GAS7: variants seen among roughly 807,000 people sequenced by gnomAD.
The protein encoded by GAS7 is growth arrest-specific protein 7.
In GAS7, 28 loss-of-function variants were observed where a neutral mutation model predicts 71.1. The ratio of observed to expected loss-of-function variants is 0.39; its 90% CI spans 0.29 to 0.54. The LOEUF (loss-of-function observed/expected upper bound fraction) is 0.54, where lower values mean the gene tolerates loss of function less well. GAS7 is among the 20% of genes least tolerant of loss of function. GAS7 has a pLI of 0.62. For synonymous variants in GAS7, 258 were observed against 245.8 expected (o/e 1.05, Z -0.46); for missense variants, 436 against 627.8 (o/e 0.69, Z 3.27).
intron 1 of GAS7, among the ~76,000 whole-genome samples, chr17:10,184,947 C>T (rs534427665): frequency 4.3e-5 from 6 of 139,438 alleles, no homozygotes; most frequent in South Asian, 2.3e-4. Flanking sequence ...TTTTTTGAGA[C>T]GGAGTGTTGC....
intron 1 of GAS7, among the ~76,000 whole-genome samples, chr17:10,063,218 G>C (rs1004402236): frequency 6.6e-6 from 1 of 152,206 alleles, no homozygotes; most frequent in Admixed American, 6.5e-5. Context: ...TCCTGCTCCT[G>C]CCTACCTCCA....
chr17:10,086,517 GC>G (rs1597783724), intron 1 of GAS7, among the ~76,000 whole-genome samples: 1 of 152,154 alleles, frequency 6.6e-6, no homozygotes, highest in Admixed American at 6.5e-5. Context: ...TCCTCAATCG[GC>G]AGAAAGAATG....
intron 2 of GAS7, among the ~76,000 whole-genome samples, chr17:9,988,491 T>C (rs1248634057): frequency 5.3e-5 from 8 of 152,198 alleles, no homozygotes; most frequent in Non-Finnish European, 2.9e-5. Flanking sequence ...GGTTCCCTCC[T>C]GCGCACCAGA....
intron 1 of GAS7, among the ~76,000 whole-genome samples, chr17:10,148,368 T>C (rs1390404860): frequency 1.3e-5 from 2 of 151,768 alleles, no homozygotes; most frequent in African/African-American, 2.4e-5. Flanking sequence ...CCCAGCACTT[T>C]GGGAGGTCAT....
chr17:10,026,364 T>G lies in GAS7; in HGVS notation c.184-6467A>C. On this transcript the variant is annotated intron_variant, in intron 1 of 13. Coordinates refer to ENST00000432992, the MANE Select transcript of GAS7 (RefSeq NM_201433.2). The surrounding 1 kb of genome is among the most constrained non-coding windows in gnomAD (Gnocchi z 4.5). ...CACCCAGATCTATATATAACAGCTC[T>G]GAAGTTGTCAGCCTAACGAGCCACT... The G allele has an allele frequency of 1.8e-5, 16 of 883,092 alleles. No individual in the cohort carries two copies. Among genetic ancestry groups the G allele is most frequent in the South Asian group, 5.2e-5 (1 of 19,220 alleles). The allele number at this position is 883,092 out of a possible 1,614,324, so 54.7% of individuals were successfully genotyped here.
At chr17:10,191,991 G>C (rs1398363277) in intron 1 of GAS7, among the ~76,000 whole-genome samples, 1 of 152,082 alleles carries the variant, frequency 6.6e-6, no homozygotes, top group East Asian at 1.9e-4. Flanking sequence ...GTAGTAGACG[G>C]AGAACTAGGA....
chr17:10,116,249 G>T (rs1461730926), intron 1 of GAS7, among the ~76,000 whole-genome samples: 3 of 151,962 alleles, frequency 2.0e-5, no homozygotes, highest in African/African-American at 7.3e-5. Flanking sequence ...AGGAGGCGGA[G>T]GTTGCAGTGA....
chr17:9,971,796 G>T (rs1332146859), intron 3 of GAS7, among the ~76,000 whole-genome samples: 1 of 152,190 alleles, frequency 6.6e-6, no homozygotes, highest in African/African-American at 2.4e-5. Flanking sequence ...AAACTCTATA[G>T]CGTGGCAGGA....
intron 1 of GAS7, among the ~76,000 whole-genome samples, chr17:10,159,087 T>TATATAC (rs2074230346): frequency 3.3e-5 from 4 of 121,078 alleles, no homozygotes; most frequent in Non-Finnish European, 6.8e-5. Context: ...TATATATATA[T>TATATAC]ATATATATAT....
Position 9,926,847 on chromosome 17 carries a change from G to GT in GAS7, c.886-79_886-78insA. The GT allele has an allele frequency of 6.6e-7, 1 of 1,510,934 alleles. No individual in the cohort carries two copies. The highest frequency in any genetic ancestry group is 9.2e-7 in the Non-Finnish European group (1 of 1,088,402). 93.6% of individuals were successfully genotyped at this position (1,510,934 alleles called of 1,614,324 possible). ...CAGTGCAGGGAGGAGGGATGGGAGGGGCACCCCCACTTCCCCAGGCAAGTG... is the reference window on the plus strand; with the variant it reads ...CAGTGCAGGGAGGAGGGATGGGAGGGTGCACCCCCACTTCCCCAGGCAAGTG... On this transcript the variant is annotated intron_variant, in intron 9 of 13. Coordinates refer to ENST00000432992, the MANE Select transcript of GAS7 (RefSeq NM_201433.2). The surrounding 1 kb of genome is among the most constrained non-coding windows in gnomAD (Gnocchi z 5.0).
intron 6 of GAS7, 62 bp downstream of exon 6, chr17:9,946,832 T>A: frequency 9.7e-7 from 1 of 1,031,988 alleles, no homozygotes; most frequent in South Asian, 1.3e-5. Flanking sequence ...CTCCTACCCA[T>A]CCTGGGTGTC....
intron 1 of GAS7, among the ~76,000 whole-genome samples, chr17:10,057,475 A>G (rs7218133): frequency 0.3 from 42,655 of 139,954 alleles, 8,636 homozygotes; most frequent in African/African-American, 0.61. Flanking sequence ...GAGCGTCTCT[A>G]CCCGGCCGCC....
In GAS7 at chr17:10,048,301, A is replaced by G. The variant is rs755970042; in HGVS notation, c.184-28404T>C. Reference sequence around the variant, plus strand: ...CCATTGCAGTTGCGCCTGGGCGACAAAGCTAAACTCCATCTCAAAACAACA... The same window carrying G: ...CCATTGCAGTTGCGCCTGGGCGACAGAGCTAAACTCCATCTCAAAACAACA... On this transcript the variant is annotated intron_variant, in intron 1 of 13. Coordinates refer to ENST00000432992, the MANE Select transcript of GAS7 (RefSeq NM_201433.2). 2.6e-5 allele frequency among the ~76,000 whole-genome samples: 4 copies of G among 152,338 alleles called. No individual in the cohort carries two copies. In the East Asian group the frequency reaches 7.7e-4, roughly 29 times the overall value.
intron 1 of GAS7, among the ~76,000 whole-genome samples, chr17:10,029,982 T>C (rs1046326092): frequency 6.6e-6 from 1 of 152,118 alleles, no homozygotes; most frequent in South Asian, 2.1e-4. Context: ...CCCGTCCCCA[T>C]AGTGAAGCAT....
chr17:10,186,867 G>A lies in GAS7; in HGVS notation c.183+11341C>T, dbSNP rs138211404. On this transcript the variant is annotated intron_variant, in intron 1 of 13. Transcript: ENST00000432992. Reference sequence around the variant, plus strand: ...AGTGCCACTGCACTCCAGCCCGAGCGACAGAACAAGATTCTGTCTCCAAAA... The same window carrying A: ...AGTGCCACTGCACTCCAGCCCGAGCAACAGAACAAGATTCTGTCTCCAAAA... Among the ~76,000 whole-genome samples the A allele has an allele frequency of 5.3e-5, 8 of 151,386 alleles. 1 individual carries two copies. The highest frequency in any genetic ancestry group is 8.8e-5 in the Non-Finnish European group (6 of 67,978).
intron 1 of GAS7, among the ~76,000 whole-genome samples, chr17:10,115,982 G>A (rs575151629): frequency 1.4e-4 from 21 of 152,302 alleles, no homozygotes; most frequent in African/African-American, 4.8e-4. Flanking sequence ...CAGCACCTTG[G>A]TGGGACCCCT....
At chr17:10,185,153 G>A (rs1432060327) in intron 1 of GAS7, among the ~76,000 whole-genome samples, 1 of 152,106 alleles carries the variant, frequency 6.6e-6, no homozygotes, top group Admixed American at 6.5e-5. Flanking sequence ...TTGAACTCCT[G>A]ACCTCAGGTG....
chr17:10,070,427 G>T (rs188720487), intron 1 of GAS7, among the ~76,000 whole-genome samples: 1 of 146,618 alleles, frequency 6.8e-6, no homozygotes, highest in East Asian at 2.0e-4. Flanking sequence ...GCAGTGGCAC[G>T]ATCTCAGCTC....
chr17:10,154,195 T>C (rs1249614199), intron 1 of GAS7, among the ~76,000 whole-genome samples: 5 of 152,020 alleles, frequency 3.3e-5, no homozygotes, highest in African/African-American at 1.2e-4. Context: ...AAAATATACA[T>C]ATTAAAAATT....
Sources: allele counts gnomAD v4.1 joint callset (sites outside exome capture counted in the v4.1 genomes callset), GRCh38; gene constraint gnomAD v4.1.1; non-coding constraint Gnocchi (gnomAD v3.1); transcripts MANE v1.5; gene names NCBI Gene and HGNC (gene_info 2026-07-23, HGNC 2026-07-21).